The following CCDC192 variants were observed in gnomAD, a reference collection of about 807,000 sequenced individuals.
CCDC192 encodes the protein coiled-coil domain containing 192.
At chr5:127,739,712 C>A (rs1165419804) in intron 2 of CCDC192, 5 of 152,640 alleles carry the variant, frequency 3.3e-5, no homozygotes, top group Admixed American at 3.3e-4. Context: ...ATCTGTCACC[C>A]CTTTCTTTGA....
intron 6 of CCDC192, among the ~76,000 whole-genome samples, chr5:127,877,751 C>A (rs1393215512): frequency 4.6e-5 from 7 of 152,080 alleles, no homozygotes; most frequent in Admixed American, 3.3e-4. Context: ...CACAATGACC[C>A]CTATTTAATC....
intron 3 of CCDC192, among the ~76,000 whole-genome samples, chr5:127,772,562 G>A (rs1377995920): frequency 6.6e-6 from 1 of 151,824 alleles, no homozygotes; most frequent in African/African-American, 2.4e-5. Flanking sequence ...CAAGATATTG[G>A]CAGTAATTCC....
chr5:127,872,375 A>G (rs528543796), intron 5 of CCDC192, among the ~76,000 whole-genome samples: 1 of 152,332 alleles, frequency 6.6e-6, no homozygotes, highest in South Asian at 2.1e-4. Context: ...CTTCTTATCT[A>G]GCTTCTCACA....
At chr5:127,739,129 T>G (rs1258480604) in intron 2 of CCDC192, among the ~76,000 whole-genome samples, 2 of 152,236 alleles carry the variant, frequency 1.3e-5, no homozygotes, top group East Asian at 3.9e-4. Context: ...CCTTTCTGTT[T>G]GTTAGTTTTC....
intron 6 of CCDC192, chr5:127,935,688 C>G (rs944830200): frequency 6.6e-6 from 1 of 152,338 alleles, no homozygotes; most frequent in East Asian, 1.9e-4. Context: ...TCAGGTCTCT[C>G]TGTGACAGTG....
chr5:127,867,243 G>A (rs1291097765), intron 5 of CCDC192, among the ~76,000 whole-genome samples: 1 of 152,158 alleles, frequency 6.6e-6, no homozygotes, highest in Non-Finnish European at 1.5e-5. Flanking sequence ...AGTCACAGAT[G>A]GCCAATAGCT....
chr5:127,892,879 G>C (rs550545527), intron 6 of CCDC192, among the ~76,000 whole-genome samples: 1 of 152,242 alleles, frequency 6.6e-6, no homozygotes, highest in South Asian at 2.1e-4. Context: ...TAAAAGAACA[G>C]AGAAAATAAT....
At chr5:127,771,963 G>A (rs1365685284) in intron 3 of CCDC192, among the ~76,000 whole-genome samples, 33 of 152,182 alleles carry the variant, frequency 2.2e-4, no homozygotes, top group Non-Finnish European at 4.4e-5. Flanking sequence ...CACAGGAAGA[G>A]GAGAGGCAAG....
chr5:127,918,791 G>A (rs1753603611), intron 6 of CCDC192, among the ~76,000 whole-genome samples: 1 of 152,004 alleles, frequency 6.6e-6, no homozygotes, highest in African/African-American at 2.4e-5. Flanking sequence ...ACGTTTGTCT[G>A]TATATATGCG....
intron 6 of CCDC192, among the ~76,000 whole-genome samples, chr5:127,895,946 C>T (rs1007564347): frequency 4.6e-5 from 7 of 151,920 alleles, no homozygotes; most frequent in South Asian, 4.2e-4. Context: ...CAATTGGTTT[C>T]GTATAATTTT....
chr5:127,875,575 C>G lies in CCDC192; in HGVS notation c.449C>G (p.Thr150Ser), dbSNP rs1304529326. ...GAAAAGAAAGTGAAAAAACTACAGA[C>G]TGATTTGGCAACAGCTAATGCCATC... ...KHEKKVKKLQ[T>S]DLATANAITV... The change falls in exon 6 of 7, where the codon ACT becomes AGT. Residue 150 changes from threonine to serine, a missense_variant. By Grantham distance (58) the Thr-to-Ser change is moderately conservative. Coordinates refer to ENST00000514853, the MANE Select transcript of CCDC192 (RefSeq NM_001317938.2). 2.5e-6 allele frequency: 1 copy of G among 398,104 alleles called. No individual in the cohort carries two copies. The highest frequency in any genetic ancestry group is 4.4e-6 in the Non-Finnish European group (1 of 225,916). 24.7% of individuals were successfully genotyped at this position (398,104 alleles called of 1,614,324 possible).
intron 1 of CCDC192, among the ~76,000 whole-genome samples, chr5:127,707,406 C>CTTTTTTT (rs11389024): frequency 6.8e-6 from 1 of 147,232 alleles, no homozygotes. Flanking sequence ...CCTCTCCCCA[C>CTTTTTTT]TTTTTTTTTT....
In CCDC192 at chr5:127,915,597, GGTCTTGA is replaced by G. The variant is rs1753497598; in HGVS notation, c.536-25584_536-25578del. Among the ~76,000 whole-genome samples, 2 of 152,194 alleles carry G rather than the reference GGTCTTGA, an allele frequency of 1.3e-5. 1 individual carries two copies. Among genetic ancestry groups the G allele is most frequent in the South Asian group, 4.1e-4 (2 of 4,836 alleles). On this transcript the variant is annotated intron_variant, in intron 6 of 6. Coordinates refer to ENST00000514853, the MANE Select transcript of CCDC192 (RefSeq NM_001317938.2). ...AGGGTTTCACCATGTTGGCCAGGAT[GGTCTTGA>G]TCTCCTGACCTCGTGATCCACCCGC... is the stretch of plus-strand genomic sequence containing the variant.
At chr5:127,873,768 C>T (rs1751955473) in intron 5 of CCDC192, among the ~76,000 whole-genome samples, 1 of 152,132 alleles carries the variant, frequency 6.6e-6, no homozygotes, top group South Asian at 2.1e-4. Flanking sequence ...CAATGGTTAC[C>T]ATCCAGGACC....
intron 3 of CCDC192, among the ~76,000 whole-genome samples, chr5:127,756,230 G>A (rs1278462347): frequency 2.6e-5 from 4 of 152,036 alleles, no homozygotes; most frequent in East Asian, 1.9e-4. Context: ...CACCTTGCCC[G>A]CTGCCTAGAC....
chr5:127,891,708 C>T (rs1561541845), intron 6 of CCDC192, among the ~76,000 whole-genome samples: 1 of 152,224 alleles, frequency 6.6e-6, no homozygotes, highest in Non-Finnish European at 1.5e-5. Context: ...CTTTGTCCCA[C>T]TCTCACCTTG....
chr5:127,926,708 A>C (rs1682461361), intron 6 of CCDC192, among the ~76,000 whole-genome samples: 1 of 152,180 alleles, frequency 6.6e-6, no homozygotes, highest in African/African-American at 2.4e-5. Flanking sequence ...AAGATATCTC[A>C]GTAGGAGTTC....
At chr5:127,737,108 C>T (rs1753058865) in intron 2 of CCDC192, among the ~76,000 whole-genome samples, 1 of 151,254 alleles carries the variant, frequency 6.6e-6, no homozygotes, top group Non-Finnish European at 1.5e-5. Flanking sequence ...TGAATGTGTC[C>T]CAGAGATTCT....
At chr5:127,703,346 A>G (rs113917845), upstream of CCDC192, 459 of 398,316 alleles carry the variant, frequency 1.2e-3, 4 homozygotes, top group African/African-American at 8.6e-3. Context: ...GCCTAGCAAC[A>G]AGGGACAGCA....
Sources: gnomAD v4.1 joint callset for allele counts (sites outside exome capture counted in the v4.1 genomes callset) on GRCh38, gnomAD v4.1.1 for gene constraint, MANE v1.5 for transcripts, NCBI Gene and HGNC (gene_info 2026-07-23, HGNC 2026-07-21) for gene names.